AUTS2: variants seen among roughly 807,000 people sequenced by gnomAD.
AUTS2 encodes autism susceptibility gene 2 protein.
A neutral mutation model predicts 112.4 loss-of-function variants in AUTS2; 17 were observed. That is an observed-to-expected ratio of 0.15 (90% CI 0.10 to 0.23). The LOEUF (loss-of-function observed/expected upper bound fraction) is 0.23. AUTS2 is among the 10% of genes least tolerant of loss of function. AUTS2 has a pLI of 1.00. For synonymous variants in AUTS2, 751 were observed against 702.7 expected, an observed-to-expected ratio of 1.07 and a Z score of -1.09; for missense variants, 1,510 against 1,701.6, an observed-to-expected ratio of 0.89 and a Z score of 1.98.
chr7:70,444,282 T>C (rs1174993953), intron 5 of AUTS2, among the ~76,000 whole-genome samples: 1 of 151,978 alleles, frequency 6.6e-6, no homozygotes, highest in East Asian at 1.9e-4. Flanking sequence ...ATTTGTCTTA[T>C]ACTGTATTAG....
intron 4 of AUTS2, among the ~76,000 whole-genome samples, chr7:70,279,251 A>G (rs1478323716): frequency 6.6e-6 from 1 of 152,168 alleles, no homozygotes; most frequent in East Asian, 1.9e-4. Context: ...CTTTTGTTCA[A>G]CTCACCTATG....
intron 2 of AUTS2, among the ~76,000 whole-genome samples, chr7:69,910,414 G>C (rs566191856): frequency 6.6e-6 from 1 of 152,288 alleles, no homozygotes; most frequent in South Asian, 2.1e-4. Context: ...GGGTGTGTGG[G>C]TGAGTATATT....
chr7:69,825,970 C>T (rs1791224270), intron 1 of AUTS2: 1 of 152,224 alleles, frequency 6.6e-6, no homozygotes, highest in African/African-American at 2.4e-5. Context: ...GAAACAGGTT[C>T]TCTATTGCCC....
chr7:69,973,474 A>G (rs921813984), intron 2 of AUTS2, among the ~76,000 whole-genome samples: 5 of 152,182 alleles, frequency 3.3e-5, no homozygotes, highest in African/African-American at 1.2e-4. Context: ...GTGTGAACTA[A>G]GAGTGGTGAG....
chr7:70,701,223 T>C (rs1307734850), intron 6 of AUTS2, among the ~76,000 whole-genome samples: 1 of 152,222 alleles, frequency 6.6e-6, no homozygotes, highest in African/African-American at 2.4e-5. Context: ...AGGGCAGTGC[T>C]AATCTCACAA....
chr7:70,505,137 C>T (rs1282114992), intron 5 of AUTS2, among the ~76,000 whole-genome samples: 1 of 152,216 alleles, frequency 6.6e-6, no homozygotes, highest in African/African-American at 2.4e-5. Context: ...CCTCCATCCA[C>T]TCAGCGCTCA....
At chr7:70,581,599 C>T (rs1008012699) in intron 5 of AUTS2, among the ~76,000 whole-genome samples, 6 of 152,134 alleles carry the variant, frequency 3.9e-5, no homozygotes, top group African/African-American at 1.4e-4. Flanking sequence ...TAACTATGCA[C>T]ACGCCACTTT....
intron 1 of AUTS2, among the ~76,000 whole-genome samples, chr7:69,870,728 G>A (rs1451450802): frequency 6.6e-6 from 1 of 151,880 alleles, no homozygotes; most frequent in Non-Finnish European, 1.5e-5. Context: ...CATGGAGCCT[G>A]TTGTATAGAA....
intron 2 of AUTS2, among the ~76,000 whole-genome samples, chr7:69,945,017 T>C (rs1796755654): frequency 6.6e-6 from 1 of 152,236 alleles, no homozygotes. Flanking sequence ...GAATCTCTGC[T>C]GTACTAGCTG....
At chr7:70,727,075 G>T (rs1035560265) in intron 6 of AUTS2, among the ~76,000 whole-genome samples, 2 of 152,168 alleles carry the variant, frequency 1.3e-5, no homozygotes, top group African/African-American at 4.8e-5. Context: ...AGTGAAGGCT[G>T]GGTATTAACA....
intron 1 of AUTS2, among the ~76,000 whole-genome samples, chr7:69,837,306 A>T (rs1046103109): frequency 2.6e-5 from 4 of 152,142 alleles, no homozygotes; most frequent in East Asian, 1.9e-4. Context: ...TCTTACAACA[A>T]CAATCCTTTC....
At chr7:69,691,815 G>A (rs1797359355) in intron 1 of AUTS2, among the ~76,000 whole-genome samples, 1 of 152,148 alleles carries the variant, frequency 6.6e-6, no homozygotes, top group Non-Finnish European at 1.5e-5. Context: ...CATCATCAGT[G>A]GGACCCAAGG....
rs528097767 is a variant in AUTS2 at position 70,494,050 on chromosome 7, T to A, written c.690+58269T>A. Among the ~76,000 whole-genome samples the A allele has an allele frequency of 1.9e-4, 29 of 152,282 alleles. No homozygotes were observed. In the South Asian group the frequency reaches 3.5e-3, roughly 19 times the overall value. On this transcript the variant is annotated intron_variant, in intron 5 of 18. Transcript: ENST00000342771. Reference sequence around the variant, plus strand: ...GAGATTAAAATTTAAAATAAATAAATAGGGATAGTACGATTTGAAATCGGC... The same window carrying A: ...GAGATTAAAATTTAAAATAAATAAAAAGGGATAGTACGATTTGAAATCGGC...
chr7:70,392,451 G>T (rs1793908183), intron 4 of AUTS2, among the ~76,000 whole-genome samples: 1 of 152,212 alleles, frequency 6.6e-6, no homozygotes, highest in South Asian at 2.1e-4. Context: ...TTACCAGGAA[G>T]TCTCAGTGTA....
At chr7:70,662,984 A>G (rs1807147105) in intron 5 of AUTS2, among the ~76,000 whole-genome samples, 1 of 152,242 alleles carries the variant, frequency 6.6e-6, no homozygotes, top group South Asian at 2.1e-4. Context: ...TCTGGAGGTC[A>G]CTAGCAATTT....
intron 1 of AUTS2, among the ~76,000 whole-genome samples, chr7:69,659,588 T>TTG (rs1554341898): frequency 1.4e-5 from 2 of 143,582 alleles, no homozygotes; most frequent in African/African-American, 2.6e-5. Context: ...TAGTTGTTTT[T>TTG]TTTTTTTTTT....
At chr7:69,857,919 G>A (rs1051317196) in intron 1 of AUTS2, among the ~76,000 whole-genome samples, 2 of 152,176 alleles carry the variant, frequency 1.3e-5, no homozygotes, top group Admixed American at 6.5e-5. Context: ...GCCAATAACC[G>A]TAGCAAGCCT....
intron 4 of AUTS2, among the ~76,000 whole-genome samples, chr7:70,157,082 A>G (rs1387053344): frequency 6.9e-6 from 1 of 145,872 alleles, no homozygotes; most frequent in African/African-American, 2.5e-5. Flanking sequence ...CCGTCTTACC[A>G]AAAAAAAAAG....
intron 5 of AUTS2, among the ~76,000 whole-genome samples, chr7:70,635,524 C>T (rs1198069980): frequency 2.0e-5 from 3 of 152,172 alleles, no homozygotes; most frequent in Non-Finnish European, 4.4e-5. Context: ...CCTAAGCTCT[C>T]CCTGAGCACC....
Sources: gnomAD v4.1 joint callset for allele counts (sites outside exome capture counted in the v4.1 genomes callset) on GRCh38, gnomAD v4.1.1 for gene constraint, MANE v1.5 for transcripts, NCBI Gene and HGNC (gene_info 2026-07-23, HGNC 2026-07-21) for gene names.